Variants in SH3D19 observed in about 807,000 individuals in gnomAD.
The protein encoded by SH3D19 is SH3 domain-containing protein 19.
SH3D19 carries 58 observed loss-of-function variants against 112.1 expected under a neutral mutation model. That is an observed-to-expected ratio of 0.52 (90% CI 0.42 to 0.64). The LOEUF is 0.64. Ranked by LOEUF, SH3D19 falls within the 30% of genes least tolerant of loss-of-function variation. The pLI is 0.00. For missense variants in SH3D19, 1,090 were observed against 1,263.4 expected (o/e 0.86, Z 2.08); for synonymous variants, 391 against 448.5 (o/e 0.87, Z 1.62).
intron 1 of SH3D19, among the ~76,000 whole-genome samples, chr4:151,282,795 A>G (rs1412943475): frequency 6.6e-6 from 1 of 152,178 alleles, no homozygotes; most frequent in Non-Finnish European, 1.5e-5. Context: ...ACTGATCTAG[A>G]AGCAAAAAAC....
chr4:151,162,173 C>T (rs950417350), intron 8 of SH3D19, among the ~76,000 whole-genome samples: 2 of 151,100 alleles, frequency 1.3e-5, no homozygotes, highest in South Asian at 2.1e-4. Context: ...CAACAGGCCC[C>T]GGTGTGTGAT....
chr4:151,304,852 A>T (rs1328142463), intron 1 of SH3D19, among the ~76,000 whole-genome samples: 3 of 152,166 alleles, frequency 2.0e-5, no homozygotes, highest in African/African-American at 4.8e-5. Context: ...ATGCACAAAG[A>T]AGTAAAGGCA....
intron 9 of SH3D19, among the ~76,000 whole-genome samples, chr4:151,156,420 T>C (rs1000376039): frequency 6.6e-6 from 1 of 152,128 alleles, no homozygotes; most frequent in Non-Finnish European, 1.5e-5. Flanking sequence ...AACTTTAAAA[T>C]ACACTACACA....
intron 17 of SH3D19, among the ~76,000 whole-genome samples, chr4:151,131,324 A>G (rs72723710): frequency 6.6e-6 from 1 of 151,864 alleles, no homozygotes; most frequent in Non-Finnish European, 1.5e-5. Context: ...TCACATGCTT[A>G]TAATTGCTTG....
intron 13 of SH3D19, 47 bp from the exon 14 acceptor site, chr4:151,137,909 A>G (rs776015822): frequency 5.9e-6 from 9 of 1,521,336 alleles, no homozygotes; most frequent in Non-Finnish European, 7.9e-6. Flanking sequence ...TCCTGGTTGC[A>G]GATTTGATAA....
At chr4:151,226,225 C>G in intron 1 of SH3D19, 139 bp from the exon 2 acceptor site, 4 of 1,225,804 alleles carry the variant, frequency 3.3e-6, no homozygotes, top group Non-Finnish European at 4.1e-6. Context: ...GTATAAGGCT[C>G]TTCATCACAG....
At chr4:151,291,332 T>G in intron 1 of SH3D19, 1 of 1,614,008 alleles carries the variant, frequency 6.2e-7, no homozygotes, top group Non-Finnish European at 8.5e-7. Context: ...CTGGCTCTCC[T>G]GCGTCCCTCC....
In SH3D19 at chr4:151,135,081, A is replaced by G. The variant is rs1057488214; in HGVS notation, c.2479T>C (p.Cys827Arg). 1.2e-6 allele frequency: 2 copies of G among 1,602,404 alleles called. No individual in the cohort carries two copies. Among genetic ancestry groups the G allele is most frequent in the African/African-American group, 1.3e-5 (1 of 74,316 alleles). The part of the protein sequence containing the change: ...NGKRECVSSH[C>R]VKGSRCVARF... Reference sequence around the variant, plus strand: ...AACACAAATAAAACTTACTTAACACAATGAGATGAAACACATTCTCTTTTC... The same window carrying G: ...AACACAAATAAAACTTACTTAACACGATGAGATGAAACACATTCTCTTTTC... The change falls in exon 15 of 20, where the codon TGT becomes CGT. Residue 827 changes from cysteine to arginine, a missense_variant. Cys to Arg is a radical substitution (Grantham distance 180). Transcript: ENST00000604030.
intron 1 of SH3D19, among the ~76,000 whole-genome samples, chr4:151,255,605 C>T (rs1410545088): frequency 2.0e-5 from 3 of 152,052 alleles, no homozygotes; most frequent in South Asian, 2.1e-4. Context: ...CAGAGACGCT[C>T]CTCACTTCCC....
chr4:151,284,831 T>C (rs1212506661), intron 1 of SH3D19, among the ~76,000 whole-genome samples: 13 of 152,230 alleles, frequency 8.5e-5, no homozygotes, highest in Non-Finnish European at 2.9e-5. Flanking sequence ...GCAGTTATTT[T>C]AGCCTTAGCT....
chr4:151,250,598 A>AT (rs1430989185), intron 1 of SH3D19, among the ~76,000 whole-genome samples: 4 of 152,132 alleles, frequency 2.6e-5, no homozygotes, highest in African/African-American at 9.7e-5. Context: ...AAAACTTTCT[A>AT]TTTTACCTTA....
chr4:151,199,187 GTA>G (rs1468672703), intron 2 of SH3D19, among the ~76,000 whole-genome samples: 1 of 152,062 alleles, frequency 6.6e-6, no homozygotes, highest in Non-Finnish European at 1.5e-5. Context: ...CCACAAAGAA[GTA>G]TGTTTTAGGA....
intron 1 of SH3D19, chr4:151,277,178 C>T: frequency 1.3e-6 from 2 of 1,486,832 alleles, no homozygotes; most frequent in Admixed American, 1.9e-5. Flanking sequence ...GAGACATGGG[C>T]CCTGCTGGCT....
At chr4:151,147,798 G>A in intron 11 of SH3D19, 124 bp downstream of exon 11, 1 of 1,251,884 alleles carries the variant, frequency 8.0e-7, no homozygotes. Context: ...CTCATCTAAA[G>A]CACTCTTGGC....
At chr4:151,258,879 G>C (rs1456756532) in intron 1 of SH3D19, among the ~76,000 whole-genome samples, 1 of 152,128 alleles carries the variant, frequency 6.6e-6, no homozygotes, top group Non-Finnish European at 1.5e-5. Flanking sequence ...TCAGGACAGA[G>C]ACACGGGCAC....
At chr4:151,200,462 A>C (rs1021029436) in intron 2 of SH3D19, among the ~76,000 whole-genome samples, 1 of 152,178 alleles carries the variant, frequency 6.6e-6, no homozygotes, top group African/African-American at 2.4e-5. Context: ...TTAAAGGTTC[A>C]TCATTTCCTA....
At chr4:151,253,264 G>A (rs1454518429) in intron 1 of SH3D19, among the ~76,000 whole-genome samples, 2 of 152,074 alleles carry the variant, frequency 1.3e-5, no homozygotes, top group Non-Finnish European at 2.9e-5. Flanking sequence ...CTGCCTCAGG[G>A]ACTTTGTACT....
At chr4:151,156,681 C>T (rs1350391805) in intron 9 of SH3D19, among the ~76,000 whole-genome samples, 1 of 152,102 alleles carries the variant, frequency 6.6e-6, no homozygotes, top group African/African-American at 2.4e-5. Context: ...ACTCAAAGAC[C>T]TAAATCTAAG....
chr4:151,225,076 T>C (rs1367314111), intron 2 of SH3D19, among the ~76,000 whole-genome samples: 2 of 152,244 alleles, frequency 1.3e-5, no homozygotes, highest in East Asian at 3.8e-4. Flanking sequence ...TGATTGACAA[T>C]TTCTGCAAAA....
Sources: gnomAD v4.1 joint callset for allele counts (sites outside exome capture counted in the v4.1 genomes callset) on GRCh38, gnomAD v4.1.1 for gene constraint, MANE v1.5 for transcripts, NCBI Gene and HGNC (gene_info 2026-07-23, HGNC 2026-07-21) for gene names.